SPOCK3: variants seen among roughly 807,000 people sequenced by gnomAD.
The protein encoded by SPOCK3 is testican-3.
A neutral mutation model predicts 56.6 loss-of-function variants in SPOCK3; 30 were observed. The observed-to-expected ratio is 0.53, with a 90% CI of 0.40 to 0.72. The LOEUF is 0.72. Among genes scored for constraint, SPOCK3 ranks in the 30% least tolerant of loss-of-function variants. The pLI is 0.00. For synonymous variants in SPOCK3, 196 were observed against 183.3 expected, an observed-to-expected ratio of 1.07 and a Z score of -0.56; for missense variants, 527 against 530.0, an observed-to-expected ratio of 0.99 and a Z score of 0.06.
chr4:167,063,940 C>T (rs1034030023), intron 2 of SPOCK3, among the ~76,000 whole-genome samples: 3 of 151,752 alleles, frequency 2.0e-5, no homozygotes, highest in South Asian at 2.1e-4. Flanking sequence ...AATATATTTA[C>T]GGTTCTGAAT....
chr4:167,233,103 C>T (rs1737352232), intron 2 of SPOCK3, among the ~76,000 whole-genome samples: 1 of 152,190 alleles, frequency 6.6e-6, no homozygotes, highest in Non-Finnish European at 1.5e-5. Flanking sequence ...AACAGGGCGG[C>T]CTCCTCACTG....
chr4:167,230,526 A>C (rs1408089120), intron 2 of SPOCK3, among the ~76,000 whole-genome samples: 1 of 149,254 alleles, frequency 6.7e-6, no homozygotes, highest in Non-Finnish European at 1.5e-5. Context: ...AAAAACCAGC[A>C]TGTAACCAGT....
chr4:167,205,864 C>T (rs1259876322), intron 2 of SPOCK3, among the ~76,000 whole-genome samples: 1 of 151,372 alleles, frequency 6.6e-6, no homozygotes, highest in African/African-American at 2.4e-5. Flanking sequence ...CCACCTCAGC[C>T]TTCCAAAGTG....
At chr4:166,826,717 G>A (rs1344302213) in intron 6 of SPOCK3, among the ~76,000 whole-genome samples, 15 of 152,048 alleles carry the variant, frequency 9.9e-5, no homozygotes, top group Non-Finnish European at 4.4e-5. Flanking sequence ...ATTTCTGGGA[G>A]CACAGTACCT....
intron 2 of SPOCK3, among the ~76,000 whole-genome samples, chr4:167,179,345 A>T (rs780893628): frequency 7.2e-5 from 11 of 152,188 alleles, no homozygotes; most frequent in Non-Finnish European, 1.5e-4. Context: ...TCCCGCTCAA[A>T]GTCTTTAAAA....
At chr4:167,156,920 T>C (rs1396661451) in intron 2 of SPOCK3, among the ~76,000 whole-genome samples, 1 of 152,156 alleles carries the variant, frequency 6.6e-6, no homozygotes, top group Non-Finnish European at 1.5e-5. Flanking sequence ...ACCAAAGGGC[T>C]CATTGAAAAT....
chr4:166,767,383 G>C (rs1463336611), intron 7 of SPOCK3, among the ~76,000 whole-genome samples: 4 of 151,952 alleles, frequency 2.6e-5, no homozygotes, highest in Non-Finnish European at 4.4e-5. Context: ...ATTCTGGTAT[G>C]TTTTGTCTTT....
chr4:167,047,148 G>C (rs1753810826), intron 3 of SPOCK3, among the ~76,000 whole-genome samples: 1 of 152,182 alleles, frequency 6.6e-6, no homozygotes, highest in Non-Finnish European at 1.5e-5. Context: ...ATTTAAAAGA[G>C]AATGCATTTA....
At chr4:166,887,778 A>G (rs945175861) in intron 6 of SPOCK3, among the ~76,000 whole-genome samples, 1 of 150,876 alleles carries the variant, frequency 6.6e-6, no homozygotes, top group Admixed American at 6.6e-5. Context: ...TGCTCGGGTG[A>G]TGGGTGGGCC....
intron 2 of SPOCK3, among the ~76,000 whole-genome samples, chr4:167,166,199 T>C (rs1765747910): frequency 6.6e-6 from 1 of 152,000 alleles, no homozygotes; most frequent in Non-Finnish European, 1.5e-5. Context: ...GAACTAGAAA[T>C]TTTACACTAT....
intron 4 of SPOCK3, among the ~76,000 whole-genome samples, chr4:166,981,702 C>G (rs563526535): frequency 6.6e-6 from 1 of 152,188 alleles, no homozygotes; most frequent in African/African-American, 2.4e-5. Context: ...TCATTCCTGG[C>G]TTGAAAGACG....
intron 2 of SPOCK3, among the ~76,000 whole-genome samples, chr4:167,162,218 GTCTT>G (rs1195693786): frequency 1.3e-5 from 2 of 152,100 alleles, no homozygotes; most frequent in Non-Finnish European, 2.9e-5. Context: ...TTTCTCTGAT[GTCTT>G]TATTTAGGAA....
rs1164251308 is a variant in SPOCK3, at chr4:166,887,858, T to A, written c.589+1272A>T. ...ATACCACCTGTGCCCCAATAACTTA[T>A]GGAAAAAAAAAAAAAAAGAAGAGAG... On this transcript the variant is annotated intron_variant, in intron 6 of 10. Coordinates refer to ENST00000357545, the MANE Select transcript of SPOCK3 (RefSeq NM_001040159.2). Among the ~76,000 whole-genome samples the A allele has an allele frequency of 8.8e-4, 70 of 79,738 alleles. 1 individual carries two copies. The highest frequency in any genetic ancestry group is 1.7e-4 in the Non-Finnish European group (6 of 35,734). 52.3% of individuals were successfully genotyped at this position (79,738 alleles called of 152,430 possible). A position where few individuals can be genotyped will look rare whatever the true frequency, so the allele number is the denominator to read the frequency against.
At chr4:167,084,071 TATA>T (rs1757964980) in intron 2 of SPOCK3, among the ~76,000 whole-genome samples, 1 of 152,140 alleles carries the variant, frequency 6.6e-6, no homozygotes, top group Non-Finnish European at 1.5e-5. Flanking sequence ...ATAAGCACAG[TATA>T]ATAATTAGTC....
chr4:166,989,234 A>G (rs1747512229), intron 4 of SPOCK3, among the ~76,000 whole-genome samples: 1 of 152,056 alleles, frequency 6.6e-6, no homozygotes, highest in South Asian at 2.1e-4. Flanking sequence ...TTATTAATAT[A>G]TTTATGACTA....
intron 6 of SPOCK3, among the ~76,000 whole-genome samples, chr4:166,867,401 A>G (rs1199824766): frequency 6.6e-6 from 1 of 151,982 alleles, no homozygotes; most frequent in African/African-American, 2.4e-5. Context: ...ATTTAAAATT[A>G]TAGGATATAA....
chr4:167,038,926 G>A (rs1415319471), intron 3 of SPOCK3, among the ~76,000 whole-genome samples: 21 of 152,028 alleles, frequency 1.4e-4, no homozygotes, highest in Admixed American at 1.4e-3. Flanking sequence ...ATTTTAATAA[G>A]ATTAATTGTA....
intron 2 of SPOCK3, among the ~76,000 whole-genome samples, chr4:167,113,521 G>A (rs190780170): frequency 6.6e-6 from 1 of 152,102 alleles, no homozygotes; most frequent in Admixed American, 6.6e-5. Context: ...ATAGGAATAA[G>A]AATGGGTTTC....
chr4:166,882,742 A>C (rs1733805920), intron 6 of SPOCK3: 1 of 152,226 alleles, frequency 6.6e-6, no homozygotes, highest in African/African-American at 2.4e-5. Context: ...ATTTGTGTAA[A>C]ATATGAAATT....
Sources: gnomAD v4.1 joint callset for allele counts (sites outside exome capture counted in the v4.1 genomes callset) on GRCh38, gnomAD v4.1.1 for gene constraint, MANE v1.5 for transcripts, NCBI Gene and HGNC (gene_info 2026-07-23, HGNC 2026-07-21) for gene names.